The following AKAP17A variants were observed in gnomAD, a reference collection of about 807,000 sequenced individuals.
The protein encoded by AKAP17A is A-kinase anchor protein 17A.
Under a neutral mutation model 52.2 loss-of-function variants are expected in AKAP17A, and 15 were observed. That is an observed-to-expected ratio of 0.29 (90% confidence interval 0.19 to 0.44). The LOEUF (loss-of-function observed/expected upper bound fraction) is 0.44. Ranked by LOEUF, AKAP17A falls within the 20% of genes least tolerant of loss-of-function variation. The pLI is 1.00. For missense variants in AKAP17A, 1,060 were observed against 1,007.0 expected, an observed-to-expected ratio of 1.05 and a Z score of -0.71; for synonymous variants, 514 against 424.7, an observed-to-expected ratio of 1.21 and a Z score of -2.58.
chrX:1,596,412 C>G (rs1298204615), intron 3 of AKAP17A, among the ~76,000 whole-genome samples: 2 of 151,582 alleles, frequency 1.3e-5, no homozygotes, highest in Non-Finnish European at 2.9e-5. Context: ...TTCTGTGAAT[C>G]CCCTGAGGCG....
At chrX:1,598,744 G>T (rs1414003480) in intron 3 of AKAP17A, among the ~76,000 whole-genome samples, 5 of 152,170 alleles carry the variant, frequency 3.3e-5, no homozygotes, top group African/African-American at 1.2e-4. Context: ...GCTGTGTGGT[G>T]CCCTCACAGG....
chrX:1,597,042 C>T (rs1465681928), intron 3 of AKAP17A, among the ~76,000 whole-genome samples: 1 of 152,234 alleles, frequency 6.6e-6, no homozygotes, highest in Non-Finnish European at 1.5e-5. Context: ...ACGTGTTGGA[C>T]TTGGCTGGGG....
chrX:1,600,517 C>G, intron 4 of AKAP17A, 142 bp from the exon 5 acceptor site: 1 of 881,848 alleles, frequency 1.1e-6, no homozygotes, highest in East Asian at 2.7e-5. Context: ...GAGACGCCCC[C>G]CACCCCTGGG....
intron 4 of AKAP17A, chrX:1,599,760 C>T: frequency 1.6e-6 from 1 of 610,428 alleles, no homozygotes; most frequent in Non-Finnish European, 2.9e-6. Flanking sequence ...CAGGGGGCCG[C>T]TCCCTCTGGC....
intron 1 of AKAP17A, among the ~76,000 whole-genome samples, chrX:1,592,570 T>A (rs1343103415): frequency 6.6e-6 from 1 of 151,458 alleles, no homozygotes; most frequent in East Asian, 2.0e-4. Context: ...TTCTCCACCC[T>A]CCCTCCCTTC....
rs1244040512 is a variant in AKAP17A at position 1,600,521 on chromosome X, C to A, written c.1153-138C>A. 3.3e-6 allele frequency: 3 copies of A among 909,898 alleles called. No homozygotes were observed. In the African/African-American group the frequency reaches 5.0e-5, roughly 15 times the overall value. 56.4% of individuals were successfully genotyped at this position (909,898 alleles called of 1,614,324 possible). On this transcript the variant is annotated intron_variant, in intron 4 of 4. Coordinates refer to ENST00000313871, the MANE Select transcript of AKAP17A (RefSeq NM_005088.3). The stretch of plus-strand genomic sequence containing the variant: ...GCTCGCCGTAGGAGACGCCCCCCAC[C>A]CCTGGGCTGGAGTCCAGCCAGGCCG...
At chrX:1,592,483 G>C (rs1370774881) in intron 1 of AKAP17A, among the ~76,000 whole-genome samples, 1 of 152,018 alleles carries the variant, frequency 6.6e-6, no homozygotes. Context: ...GGGCCGCTTG[G>C]GTTCTGGGGG....
Position 1,595,506 on chromosome X carries a change from G to A in AKAP17A, c.885G>A (p.Ala295=), listed in dbSNP as rs200125106. The part of the protein sequence containing the change: ...REEQKRREKE[A]EERQRAEERK... ...AACAAAAGCGCAGAGAGAAGGAAGC[G>A]GAGGAGAGGCAGCGAGCGGAGGAAA... The change falls in exon 3 of 5, where the codon GCG becomes GCA. Residue 295 remains alanine, a synonymous_variant. Transcript: ENST00000313871. The A allele has an allele frequency of 2.9e-5, 47 of 1,613,932 alleles. No individual in the cohort carries two copies. The African/African-American group carries it at 3.6e-4, about 12-fold the overall frequency.
Position 1,601,393 on chromosome X carries a change from C to T in AKAP17A, c.1887C>T (p.Tyr629=). 1 of 1,567,046 alleles carries T rather than the reference C, an allele frequency of 6.4e-7. No homozygotes were observed. The highest frequency in any genetic ancestry group is 8.6e-7 in the Non-Finnish European group (1 of 1,163,670). Residue 629 remains tyrosine (Y), a synonymous_variant, in exon 5 of 5, where the codon TAC becomes TAT. Coordinates refer to ENST00000313871, the MANE Select transcript of AKAP17A (RefSeq NM_005088.3). ...KERRPHKKHA[Y]KDDSPRRRST... Reference sequence around the variant, plus strand: ...GGCGGCCCCACAAGAAGCACGCCTACAAGGATGACAGCCCCCGCCGGCGCA... The same window carrying T: ...GGCGGCCCCACAAGAAGCACGCCTATAAGGATGACAGCCCCCGCCGGCGCA...
chrX:1,595,475 GAGA>G lies in AKAP17A; in HGVS notation c.859_861del (p.Glu287del). 6.2e-7 allele frequency: 1 copy of G among 1,614,032 alleles called. No homozygotes were observed. The highest frequency in any genetic ancestry group is 2.2e-5 in the East Asian group (1 of 44,888). ...AAGCTTCAGGAACTGGAGCAGCAAAGAGAAGAACAAAAGCGCAGAGAGAAGGAA... is the reference window on the plus strand; with the variant it reads ...AAGCTTCAGGAACTGGAGCAGCAAAGAGAACAAAAGCGCAGAGAGAAGGAA... On this transcript the variant is annotated inframe_deletion, in exon 3 of 5. Coordinates refer to ENST00000313871, the MANE Select transcript of AKAP17A (RefSeq NM_005088.3).
intron 3 of AKAP17A, among the ~76,000 whole-genome samples, chrX:1,595,815 A>G (rs1446377479): frequency 6.6e-6 from 1 of 150,830 alleles, no homozygotes; most frequent in Non-Finnish European, 1.5e-5. Flanking sequence ...CTGTGTGTGT[A>G]TGTGCACGTG....
At chrX:1,594,281 A>C (rs1932898098) in intron 2 of AKAP17A, 57 bp downstream of exon 2, 16 of 1,491,412 alleles carry the variant, frequency 1.1e-5, no homozygotes, top group Non-Finnish European at 1.4e-5. Flanking sequence ...ACTTCCTTCC[A>C]GCAGGGTCAG....
chrX:1,592,095 G>T (rs1361136372), intron 1 of AKAP17A, among the ~76,000 whole-genome samples: 1 of 151,878 alleles, frequency 6.6e-6, no homozygotes, highest in Non-Finnish European at 1.5e-5. Context: ...GATCGGATGG[G>T]CGGGAGACTA....
Position 1,600,990 on chromosome X carries a change from C to T in AKAP17A, c.1484C>T (p.Ala495Val). Residue 495 changes from alanine (A) to valine (V), a missense_variant, in exon 5 of 5, where the codon GCC (alanine) becomes GTC (valine). Physicochemically the swap from Ala to Val is moderately conservative, Grantham distance 64. Around this residue, in one of 2 missense-constraint regions of AKAP17A, gnomAD observed 793 missense variants for 629.9 expected, o/e 1.26. Coordinates refer to ENST00000313871, the MANE Select transcript of AKAP17A (RefSeq NM_005088.3). ...CTCGGGGGCCAGCCCCCGGCCGGTG[C>T]CCCCAAGGAGAGCCCGGCCCACCCA... Reference protein sequence around the residue: ...HPLGGQPPAGAPKESPAHPEA... With the variant: ...HPLGGQPPAGVPKESPAHPEA... 8 of 1,601,374 alleles carry T rather than the reference C, an allele frequency of 5.0e-6. No homozygotes were observed. The highest frequency in any genetic ancestry group is 1.3e-5 in the African/African-American group (1 of 74,756).
chrX:1,593,456 G>A lies in AKAP17A; in HGVS notation c.-7G>A, dbSNP rs745391742. On this transcript the variant is annotated 5_prime_UTR_variant, in exon 2 of 5. Coordinates refer to ENST00000313871, the MANE Select transcript of AKAP17A (RefSeq NM_005088.3). ...TCTTATGTTTCAGGCCCAAGGTCCC[G>A]GAGGCTATGGCAGCGGCTACCATCG... 8 of 1,610,300 alleles carry A rather than the reference G, an allele frequency of 5.0e-6. No homozygotes were observed. The highest frequency in any genetic ancestry group is 1.7e-5 in the Admixed American group (1 of 59,908).
rs749751789 is a variant in AKAP17A, at chrX:1,600,965, C to T, written c.1459C>T (p.Leu487Phe). Residue 487 changes from leucine (L) to phenylalanine (F), a missense_variant, in exon 5 of 5, where the codon CTC becomes TTC. Leu to Phe is a conservative substitution (Grantham distance 22). Around this residue, in one of 2 missense-constraint regions of AKAP17A, gnomAD observed 793 missense variants for 629.9 expected, o/e 1.26. Coordinates refer to ENST00000313871, the MANE Select transcript of AKAP17A (RefSeq NM_005088.3). ...TGTGAGCGCCACCACGCTGCACCCCCTCGGGGGCCAGCCCCCGGCCGGTGC... is the reference window on the plus strand; with the variant it reads ...TGTGAGCGCCACCACGCTGCACCCCTTCGGGGGCCAGCCCCCGGCCGGTGC... ...GCVSATTLHPLGGQPPAGAPK... is the reference protein window; with the variant it reads ...GCVSATTLHPFGGQPPAGAPK... The T allele has an allele frequency of 1.0e-5, 16 of 1,589,596 alleles. No individual in the cohort carries two copies. Among genetic ancestry groups the T allele is most frequent in the African/African-American group, 4.0e-5 (3 of 74,400 alleles).
intron 1 of AKAP17A, among the ~76,000 whole-genome samples, chrX:1,591,999 A>T (rs1256237076): frequency 7.0e-6 from 1 of 141,856 alleles, no homozygotes; most frequent in Non-Finnish European, 1.5e-5. Flanking sequence ...GGTCCCTGGA[A>T]GTAGGGGTAG....
chrX:1,600,339 T>G, intron 4 of AKAP17A: 2 of 684,240 alleles, frequency 2.9e-6, no homozygotes, highest in Non-Finnish European at 4.8e-6. Context: ...GGCGCCTGTG[T>G]GCAACGTGGT....
chrX:1,600,596 C>T, intron 4 of AKAP17A, 63 bp from the exon 5 acceptor site: 6 of 1,435,990 alleles, frequency 4.2e-6, no homozygotes, highest in Non-Finnish European at 5.5e-6. Flanking sequence ...TTCCCAGCTC[C>T]TGTCCCACGT....
Sources: gnomAD v4.1 joint callset for allele counts (sites outside exome capture counted in the v4.1 genomes callset) on GRCh38, gnomAD v4.1.1 for gene constraint, gnomAD v4.1.1 regional missense constraint, MANE v1.5 for transcripts, NCBI Gene and HGNC (gene_info 2026-07-23, HGNC 2026-07-21) for gene names.